Variants in CEP350 observed in about 807,000 individuals in gnomAD.
CEP350 encodes centrosome-associated protein 350.
CEP350 carries 126 observed loss-of-function variants against 331.8 expected under a neutral mutation model. The observed-to-expected ratio is 0.38, with a 90% CI of 0.33 to 0.44. CEP350 has a LOEUF of 0.44. CEP350 is among the 20% of genes least tolerant of loss of function. The pLI is 1.00. For synonymous variants in CEP350, 1,200 were observed against 1,259.5 expected, an observed-to-expected ratio of 0.95 and a Z score of 1.00; for missense variants, 3,406 against 3,634.6, an observed-to-expected ratio of 0.94 and a Z score of 1.62.
At chr1:179,980,009 A>G (rs1652159968) in intron 1 of CEP350, among the ~76,000 whole-genome samples, 1 of 151,988 alleles carries the variant, frequency 6.6e-6, no homozygotes, top group Non-Finnish European at 1.5e-5. Flanking sequence ...TTGCTTTGGC[A>G]ATTTGGTGTC....
At chr1:180,054,036 G>A (rs2148971917) in intron 24 of CEP350, 102 bp downstream of exon 24, 2 of 895,448 alleles carry the variant, frequency 2.2e-6, no homozygotes, top group Non-Finnish European at 3.2e-6. Context: ...GATTAGAGCA[G>A]CCCAGTTTCT....
At chr1:179,962,461 G>A (rs1355537681) in intron 1 of CEP350, among the ~76,000 whole-genome samples, 1 of 152,098 alleles carries the variant, frequency 6.6e-6, no homozygotes, top group Admixed American at 6.5e-5. Flanking sequence ...TCACGCTGGA[G>A]CGCAGTGACG....
chr1:180,031,142 A>G (rs549861161), intron 14 of CEP350, among the ~76,000 whole-genome samples, 178 bp from the exon 15 acceptor site: 3 of 152,102 alleles, frequency 2.0e-5, no homozygotes, highest in Non-Finnish European at 4.4e-5. Context: ...TTAAATAGAG[A>G]CAGAAGGATG....
chr1:179,954,919 G>T lies in CEP350; in HGVS notation c.-237G>T. 2 of 695,422 alleles carry T rather than the reference G, an allele frequency of 2.9e-6. No individual in the cohort carries two copies. Among genetic ancestry groups the T allele is most frequent in the Non-Finnish European group, 4.2e-6 (2 of 474,662 alleles). The allele number at this position is 695,422 out of a possible 1,614,324, so 43.1% of individuals were successfully genotyped here. On this transcript the variant is annotated 5_prime_UTR_variant, in exon 1 of 38. Transcript: ENST00000367607. Reference sequence around the variant, plus strand: ...GAACTGCAGGGAGCCGCAGCTCGGGGGGTGGCTTGCCCTGAGGGAGGGGAG... The same window carrying T: ...GAACTGCAGGGAGCCGCAGCTCGGGTGGTGGCTTGCCCTGAGGGAGGGGAG...
At chr1:180,006,688 C>T in intron 8 of CEP350, 121 bp downstream of exon 8, 1 of 620,528 alleles carries the variant, frequency 1.6e-6, no homozygotes, top group Non-Finnish European at 2.9e-6. Flanking sequence ...ATACGTGTGC[C>T]ATGGTGGTTT....
In CEP350 at chr1:180,114,605, G is replaced by A. The variant is rs1473239978; in HGVS notation, c.*3444G>A. The stretch of plus-strand genomic sequence containing the variant: ...ACACATTGCAAAGCATTCTCTGGGA[G>A]GTTCAGCCTCCTTGTGTGTACTGTA... On this transcript the variant is annotated 3_prime_UTR_variant, in exon 38 of 38. Transcript: ENST00000367607. The A allele has an allele frequency of 6.6e-6, 1 of 152,600 alleles. No homozygotes were observed. The highest frequency in any genetic ancestry group is 1.5e-5 in the Non-Finnish European group (1 of 68,038). 9.5% of individuals were successfully genotyped at this position (152,600 alleles called of 1,614,324 possible).
At chr1:179,968,705 C>T in intron 1 of CEP350, 1 of 558,892 alleles carries the variant, frequency 1.8e-6, no homozygotes, top group Non-Finnish European at 3.5e-6. Flanking sequence ...AAGTTCCTTG[C>T]AGGAGGAACC....
rs79721462 is a variant in CEP350, at chr1:180,008,270, C to T, written c.1246+1703C>T. Among the ~76,000 whole-genome samples the T allele has an allele frequency of 1.1e-3, 175 of 152,176 alleles. 1 individual carries two copies. The highest frequency in any genetic ancestry group is 4.0e-3 in the African/African-American group (167 of 41,512). On this transcript the variant is annotated intron_variant, in intron 8 of 37. Transcript: ENST00000367607. ...CATTTTGGCCCTCATCCAGATTGCC[C>T]AAATTTATAACTAGCTTTGTTCCTT...
intron 1 of CEP350, among the ~76,000 whole-genome samples, chr1:179,958,657 A>C (rs745801873): frequency 3.9e-5 from 6 of 152,196 alleles, no homozygotes; most frequent in Non-Finnish European, 5.9e-5. Flanking sequence ...GTCAACTATA[A>C]ATTGGATATA....
chr1:180,103,548 T>G (rs1264489280), intron 37 of CEP350, among the ~76,000 whole-genome samples: 3 of 152,192 alleles, frequency 2.0e-5, no homozygotes, highest in Non-Finnish European at 4.4e-5. Context: ...GGAATTGGTC[T>G]TTTCTGTTTT....
chr1:180,051,779 G>T (rs1054265811), intron 22 of CEP350, among the ~76,000 whole-genome samples: 2 of 152,194 alleles, frequency 1.3e-5, no homozygotes, highest in African/African-American at 4.8e-5. Context: ...ATGGTGTCTT[G>T]AGTGGAAACT....
At chr1:180,099,191 A>G (rs1660654532) in intron 37 of CEP350, among the ~76,000 whole-genome samples, 1 of 152,180 alleles carries the variant, frequency 6.6e-6, no homozygotes, top group South Asian at 2.1e-4. Flanking sequence ...CTTGATCAAT[A>G]GTATTTTATG....
In CEP350 at chr1:180,054,486, G is replaced by A; in HGVS notation, c.5246G>A (p.Arg1749Lys). ...LRKKQRGLLL[R>K]LQQEKAEIKR... Reference sequence around the variant, plus strand: ...AAGAAACAGCGTGGTTTGCTTTTAAGGTTGCAGCAAGAAAAGGTATGTTAG... The same window carrying A: ...AAGAAACAGCGTGGTTTGCTTTTAAAGTTGCAGCAAGAAAAGGTATGTTAG... The change falls in exon 25 of 38, where the codon AGG becomes AAG. Residue 1749 changes from arginine to lysine, a missense_variant. Around this residue, in one of 5 missense-constraint regions of CEP350, gnomAD observed 1,415 missense variants for 1,512.3 expected, o/e 0.94. Coordinates refer to ENST00000367607, the MANE Select transcript of CEP350 (RefSeq NM_014810.5). 6.3e-7 allele frequency: 1 copy of A among 1,599,822 alleles called. No individual in the cohort carries two copies. The highest frequency in any genetic ancestry group is 8.5e-7 in the Non-Finnish European group (1 of 1,172,996).
intron 6 of CEP350, among the ~76,000 whole-genome samples, chr1:179,998,204 C>T (rs888305701): frequency 2.5e-4 from 38 of 150,672 alleles, no homozygotes; most frequent in Non-Finnish European, 3.5e-4. Context: ...GCCAGAGTAG[C>T]CTTTTTAATG....
At position 180,048,589 on chromosome 1, in the gene CEP350, A is replaced by T. The variant is rs1657279236; in HGVS notation, c.4676A>T (p.Glu1559Val). ...QESPSVPSCKENEKKLNGEKI... is the reference protein window; with the variant it reads ...QESPSVPSCKVNEKKLNGEKI... Reference sequence around the variant, plus strand: ...AGTCCTTCAGTTCCATCTTGTAAGGAAAATGAGAAGAAACTTAATGGTGAA... The same window carrying T: ...AGTCCTTCAGTTCCATCTTGTAAGGTAAATGAGAAGAAACTTAATGGTGAA... The change falls in exon 22 of 38, where the codon GAA becomes GTA. Residue 1559 changes from glutamate to valine, a missense_variant. Physicochemically the swap from Glu to Val is moderately radical, Grantham distance 121. Coordinates refer to ENST00000367607, the MANE Select transcript of CEP350 (RefSeq NM_014810.5). The T allele has an allele frequency of 6.2e-7, 1 of 1,610,904 alleles. No homozygotes were observed. The highest frequency in any genetic ancestry group is 1.3e-5 in the African/African-American group (1 of 74,884).
At chr1:180,102,753 G>A (rs1660898508) in intron 37 of CEP350, among the ~76,000 whole-genome samples, 1 of 152,102 alleles carries the variant, frequency 6.6e-6, no homozygotes, top group African/African-American at 2.4e-5. Context: ...TCTTTAAAAT[G>A]TCTTTATTTC....
chr1:180,038,362 C>G (rs945868613), intron 17 of CEP350, among the ~76,000 whole-genome samples: 1 of 152,256 alleles, frequency 6.6e-6, no homozygotes, highest in Non-Finnish European at 1.5e-5. Context: ...CATTTTTAAA[C>G]AACTCTGTGC....
intron 6 of CEP350, among the ~76,000 whole-genome samples, chr1:179,999,342 C>G (rs1653704614): frequency 6.6e-6 from 1 of 151,824 alleles, no homozygotes; most frequent in Admixed American, 6.6e-5. Flanking sequence ...AATCCTTTTA[C>G]TATTTTTTTA....
At chr1:179,969,498 T>A (rs1245704750) in intron 1 of CEP350, 1 of 466,212 alleles carries the variant, frequency 2.1e-6, no homozygotes, top group Non-Finnish European at 4.3e-6. Context: ...GAATAAGCAC[T>A]GAATTGGCCT....
Sources: allele counts gnomAD v4.1 joint callset (sites outside exome capture counted in the v4.1 genomes callset), GRCh38; gene constraint gnomAD v4.1.1; regional missense constraint gnomAD v4.1.1; transcripts MANE v1.5; gene names NCBI Gene and HGNC (gene_info 2026-07-23, HGNC 2026-07-21).